Variants in TRAP1 observed in about 807,000 individuals in gnomAD.
The protein encoded by TRAP1 is heat shock protein 75 kDa, mitochondrial.
In TRAP1, 102 loss-of-function variants were observed where a neutral mutation model predicts 89.1. That is an observed-to-expected ratio of 1.15 (90% confidence interval 0.98 to 1.35). TRAP1 has a LOEUF of 1.35. TRAP1 is among the 40% of genes most tolerant of loss of function. The pLI, the probability that TRAP1 is intolerant of heterozygous loss-of-function variation, is 0.00. For missense variants in TRAP1, 1,256 were observed against 945.3 expected (o/e 1.33, Z -4.31); for synonymous variants, 508 against 388.0 (o/e 1.31, Z -3.64).
At chr16:3,690,681 G>T in intron 2 of TRAP1, 146 bp downstream of exon 2, 1 of 870,392 alleles carries the variant, frequency 1.1e-6, no homozygotes, top group Non-Finnish European at 1.6e-6. Flanking sequence ...GAAATGGAGG[G>T]CGCAGCACTC....
chr16:3,709,922 T>C (rs541944424), intron 1 of TRAP1, among the ~76,000 whole-genome samples: 1 of 152,332 alleles, frequency 6.6e-6, no homozygotes, highest in African/African-American at 2.4e-5. Context: ...AGTGCTGGGA[T>C]TACAGGCGTG....
chr16:3,701,506 G>A (rs375744887), intron 1 of TRAP1, among the ~76,000 whole-genome samples: 4 of 148,696 alleles, frequency 2.7e-5, no homozygotes, highest in Non-Finnish European at 4.4e-5. Flanking sequence ...AGCTGAGATC[G>A]CGCCCCTGCA....
chr16:3,708,927 T>A (rs1160586430), intron 1 of TRAP1, among the ~76,000 whole-genome samples: 1 of 150,750 alleles, frequency 6.6e-6, no homozygotes, highest in Non-Finnish European at 1.5e-5. Context: ...GGCATTCTCC[T>A]GCCTCAGCTT....
chr16:3,673,555 GGGGGGGATCCGGTTAAAATGC>G (rs1221277854), intron 9 of TRAP1, among the ~76,000 whole-genome samples: 1 of 151,140 alleles, frequency 6.6e-6, no homozygotes, highest in Admixed American at 6.6e-5. Flanking sequence ...TGGTTAAAAT[GGGGGGGATCCGGTTAAAATGC>G]GGGGAGATCT....
chr16:3,698,755 C>A (rs2051325225), intron 1 of TRAP1, among the ~76,000 whole-genome samples: 1 of 151,914 alleles, frequency 6.6e-6, no homozygotes, highest in Non-Finnish European at 1.5e-5. Context: ...AAAAAACAGC[C>A]AGGTGTGGTG....
intron 1 of TRAP1, among the ~76,000 whole-genome samples, chr16:3,705,638 T>C (rs146563018): frequency 4.1e-4 from 62 of 152,274 alleles, no homozygotes; most frequent in African/African-American, 1.4e-3. Context: ...CTCCGCTGTA[T>C]AGATTATTTT....
In TRAP1 at chr16:3,674,333, C is replaced by A. The variant is rs1164450365; in HGVS notation, c.1044+6G>T. ...TGAGGGCCGTGGGACTGCCACAGTG[C>A]CTCACCATGTCGGGCACGTAGAAGA... On this transcript the variant is annotated splice_donor_region_variant and intron_variant, in intron 9 of 17. Coordinates refer to ENST00000246957, the MANE Select transcript of TRAP1 (RefSeq NM_016292.3). 6.2e-7 allele frequency: 1 copy of A among 1,613,678 alleles called. No homozygotes were observed. The highest frequency in any genetic ancestry group is 2.2e-5 in the East Asian group (1 of 44,884).
At chr16:3,690,657 C>T (rs1172006871) in intron 2 of TRAP1, among the ~76,000 whole-genome samples, 170 bp downstream of exon 2, 1 of 152,216 alleles carries the variant, frequency 6.6e-6, no homozygotes, top group African/African-American at 2.4e-5. Flanking sequence ...TGGCAGAAGT[C>T]CCTCGCTGGG....
chr16:3,716,575 G>A (rs1201969374), intron 1 of TRAP1, among the ~76,000 whole-genome samples: 3 of 152,210 alleles, frequency 2.0e-5, no homozygotes, highest in East Asian at 3.8e-4. Flanking sequence ...TGCTGGGAGC[G>A]TTAAAATTTT....
intron 16 of TRAP1, 117 bp from the exon 17 acceptor site, chr16:3,658,982 T>C (rs1318028595): frequency 1.0e-6 from 1 of 986,196 alleles, no homozygotes; most frequent in Admixed American, 2.3e-5. Context: ...CTGTAGTTTT[T>C]TAAATAAGGT....
At chr16:3,664,597 C>T in intron 12 of TRAP1, 138 bp from the exon 13 acceptor site, 2 of 909,844 alleles carry the variant, frequency 2.2e-6, no homozygotes, top group Non-Finnish European at 3.2e-6. Flanking sequence ...CGGTAGTGGA[C>T]TCGGGGGTTG....
Position 3,690,883 on chromosome 16 carries a change from G to GCGGT in TRAP1, c.187_190dup (p.Ala64AspfsTer27), listed in dbSNP as rs536712841. 11 of 1,587,166 alleles carry GCGGT rather than the reference G, an allele frequency of 6.9e-6. No individual in the cohort carries two copies. The African/African-American group carries it at 1.5e-4, about 22-fold the overall frequency. Reference sequence around the variant, plus strand: ...GTGCAGGGGTTCCTCCTTGTCCTCGGCGGTCTGCGTGCTGAACAGTCGTCC... The same window carrying GCGGT: ...GTGCAGGGGTTCCTCCTTGTCCTCGGCGGTCGGTCTGCGTGCTGAACAGTCGTCC... On this transcript the variant is annotated frameshift_variant, in exon 2 of 18. Coordinates refer to ENST00000246957, the MANE Select transcript of TRAP1 (RefSeq NM_016292.3). LOFTEE classifies it high-confidence loss of function.
In TRAP1 at chr16:3,664,528, C is replaced by T. The variant is rs73505467; in HGVS notation, c.1384-69G>A. 993 of 1,498,636 alleles carry T rather than the reference C, an allele frequency of 6.6e-4. 1 individual carries two copies. The African/African-American group carries it at 0.012, about 18-fold the overall frequency. The allele number at this position is 1,498,636 out of a possible 1,614,324, so 92.8% of individuals were successfully genotyped here. On this transcript the variant is annotated intron_variant, in intron 12 of 17. Transcript: ENST00000246957. ...GCTCAATGTTGCCCAACTAACTGGG[C>T]GCAAACCCTCCGATGCCCATGGCCT...
At chr16:3,714,337 C>A (rs770222797) in intron 1 of TRAP1, among the ~76,000 whole-genome samples, 1 of 152,164 alleles carries the variant, frequency 6.6e-6, no homozygotes, top group African/African-American at 2.4e-5. Flanking sequence ...AGTCCACAAG[C>A]GGATATCCTA....
intron 17 of TRAP1, chr16:3,658,433 T>C (rs944235345): frequency 6.7e-6 from 4 of 601,148 alleles, no homozygotes; most frequent in Non-Finnish European, 1.2e-5. Context: ...TTTCCGTTTT[T>C]AAAACAGAAT....
At chr16:3,675,550 C>T (rs2050978907) in intron 7 of TRAP1, among the ~76,000 whole-genome samples, 153 bp from the exon 8 acceptor site, 1 of 152,216 alleles carries the variant, frequency 6.6e-6, no homozygotes, top group Non-Finnish European at 1.5e-5. Context: ...AGTGGGGACA[C>T]CTGTCCTCCC....
At chr16:3,677,450 G>A (rs541726467) in intron 6 of TRAP1, 48 bp downstream of exon 6, 14 of 1,612,236 alleles carry the variant, frequency 8.7e-6, no homozygotes, top group East Asian at 2.2e-5. Context: ...CATGCTAAGG[G>A]CTCCAGCTCA....
intron 16 of TRAP1, 72 bp downstream of exon 16, chr16:3,661,915 A>C: frequency 6.0e-6 from 9 of 1,496,806 alleles, no homozygotes; most frequent in East Asian, 2.4e-5. Flanking sequence ...GTCACATTCC[A>C]CAACAAAAGA....
intron 1 of TRAP1, among the ~76,000 whole-genome samples, chr16:3,715,400 T>C (rs1304567421): frequency 6.6e-6 from 1 of 151,734 alleles, no homozygotes; most frequent in African/African-American, 2.4e-5. Flanking sequence ...ATCGCGCCAC[T>C]GCACTCCAGC....
Sources: allele counts gnomAD v4.1 joint callset (sites outside exome capture counted in the v4.1 genomes callset), GRCh38; gene constraint gnomAD v4.1.1; transcripts MANE v1.5; gene names NCBI Gene and HGNC (gene_info 2026-07-23, HGNC 2026-07-21).